KLHL29: variants seen among roughly 807,000 people sequenced by gnomAD.
KLHL29 encodes the protein kelch like family member 29.
Under a neutral mutation model 80.4 loss-of-function variants are expected in KLHL29, and 21 were observed. That is an observed-to-expected ratio of 0.26 (90% CI 0.19 to 0.38). The LOEUF (loss-of-function observed/expected upper bound fraction) is 0.38, where lower values mean the gene tolerates loss of function less well. Among genes scored for constraint, KLHL29 ranks in the 10% least tolerant of loss-of-function variants. The pLI is 1.00. For synonymous variants in KLHL29, 511 were observed against 526.8 expected, an observed-to-expected ratio of 0.97 and a Z score of 0.41; for missense variants, 867 against 1,223.9, an observed-to-expected ratio of 0.71 and a Z score of 4.35.
chr2:23,602,752 C>A (rs1446091052), intron 3 of KLHL29, among the ~76,000 whole-genome samples: 1 of 151,986 alleles, frequency 6.6e-6, no homozygotes, highest in Non-Finnish European at 1.5e-5. Flanking sequence ...CCACTCCCGA[C>A]CTCTACATGG....
intron 1 of KLHL29, among the ~76,000 whole-genome samples, chr2:23,462,365 G>A (rs527324213): frequency 5.3e-5 from 8 of 152,160 alleles, no homozygotes; most frequent in Non-Finnish European, 8.8e-5. Flanking sequence ...GCCTGCTGCC[G>A]GTGGGTTCTT....
In KLHL29 at chr2:23,696,584, T is replaced by C; in HGVS notation, c.2105+71T>C. ...AGAACTGAAATCACGTCACTCACTG[T>C]ACCTCCCAACACCCACTCAGTGGCG... On this transcript the variant is annotated intron_variant, in intron 11 of 13. Coordinates refer to ENST00000486442, the MANE Select transcript of KLHL29 (RefSeq NM_052920.2). This position sits in a 1 kb window ranked among gnomAD's most constrained non-coding sequence, Gnocchi z 5.5. 1 of 1,243,536 alleles carries C rather than the reference T, an allele frequency of 8.0e-7. No homozygotes were observed. The highest frequency in any genetic ancestry group is 1.1e-6 in the Non-Finnish European group (1 of 901,566). 77.0% of individuals were successfully genotyped at this position (1,243,536 alleles called of 1,614,324 possible).
chr2:23,624,926 T>C (rs180947702), intron 3 of KLHL29, among the ~76,000 whole-genome samples: 52 of 152,342 alleles, frequency 3.4e-4, no homozygotes, highest in Admixed American at 1.9e-3. Context: ...GCCTGCTTTA[T>C]AGATGAAGGA....
rs1230514997 is a variant in KLHL29 at position 23,669,825 on chromosome 2, G to A, written c.941-14574G>A. Among the ~76,000 whole-genome samples, 1 of 152,176 alleles carries A rather than the reference G, an allele frequency of 6.6e-6. No homozygotes were observed. Reference sequence around the variant, plus strand: ...CGCCAGCGCAGGACAGCAACTCTTGGGTAACTGTGTCCATTGGATTTGTAA... The same window carrying A: ...CGCCAGCGCAGGACAGCAACTCTTGAGTAACTGTGTCCATTGGATTTGTAA... On this transcript the variant is annotated intron_variant, in intron 5 of 13. Transcript: ENST00000486442. The surrounding 1 kb of genome is among the most constrained non-coding windows in gnomAD (Gnocchi z 4.3).
intron 5 of KLHL29, among the ~76,000 whole-genome samples, chr2:23,648,094 G>T (rs1406116881): frequency 1.3e-5 from 2 of 151,944 alleles, no homozygotes; most frequent in Non-Finnish European, 2.9e-5. Flanking sequence ...AGGAGAGCTC[G>T]TTCTGCAGCC....
In KLHL29 at chr2:23,577,970, A is replaced by G. The variant is rs1296778456; in HGVS notation, c.285+15489A>G. On this transcript the variant is annotated intron_variant, in intron 3 of 13. Coordinates refer to ENST00000486442, the MANE Select transcript of KLHL29 (RefSeq NM_052920.2). ...GCCATCGAGGGACTCCAGGAGCAGA[A>G]GAAAGCTTCCTGTGACCATGGCCGA... Among the ~76,000 whole-genome samples, 8 of 152,310 alleles carry G rather than the reference A, an allele frequency of 5.3e-5. No homozygotes were observed. In the East Asian group the frequency reaches 1.5e-3, roughly 29 times the overall value.
chr2:23,469,194 G>A (rs1415828549), intron 1 of KLHL29, among the ~76,000 whole-genome samples: 1 of 152,236 alleles, frequency 6.6e-6, no homozygotes, highest in Non-Finnish European at 1.5e-5. Flanking sequence ...GCCCCTGAGG[G>A]CACCAAGGCA....
chr2:23,560,945 A>G (rs181083140), intron 2 of KLHL29, among the ~76,000 whole-genome samples: 140 of 152,358 alleles, frequency 9.2e-4, no homozygotes, highest in African/African-American at 3.3e-3. Flanking sequence ...CTGGCCAACA[A>G]TTCCAGGGTG....
chr2:23,400,661 C>T (rs1666578247), intron 1 of KLHL29, among the ~76,000 whole-genome samples: 1 of 150,878 alleles, frequency 6.6e-6, no homozygotes, highest in Non-Finnish European at 1.5e-5. Context: ...ATAGTGAGAC[C>T]CCATCTCTAC....
Position 23,562,876 on chromosome 2 carries a change from A to C in KLHL29, c.285+395A>C, listed in dbSNP as rs1015688872. ...AACTTGGGTGTGCAAGAAGATACTG[A>C]CAAGCAGTAACAGTCATAAAGGGTG... is the stretch of plus-strand genomic sequence containing the variant. On this transcript the variant is annotated intron_variant, in intron 3 of 13. Coordinates refer to ENST00000486442, the MANE Select transcript of KLHL29 (RefSeq NM_052920.2). This position sits in a 1 kb window ranked among gnomAD's most constrained non-coding sequence, Gnocchi z 4.5. Among the ~76,000 whole-genome samples the C allele has an allele frequency of 2.6e-5, 4 of 152,156 alleles. No individual in the cohort carries two copies. Among genetic ancestry groups the C allele is most frequent in the African/African-American group, 9.7e-5 (4 of 41,428 alleles).
intron 3 of KLHL29, among the ~76,000 whole-genome samples, chr2:23,592,301 A>G (rs911243538): frequency 1.3e-5 from 2 of 150,818 alleles, no homozygotes; most frequent in African/African-American, 4.8e-5. Context: ...GCCGATTCCC[A>G]TCCTGAGCCC....
At chr2:23,561,491 G>C (rs1462857749) in intron 2 of KLHL29, among the ~76,000 whole-genome samples, 1 of 152,116 alleles carries the variant, frequency 6.6e-6, no homozygotes, top group Non-Finnish European at 1.5e-5. Flanking sequence ...GATTATGAAA[G>C]GGAACTCAAC....
intron 3 of KLHL29, among the ~76,000 whole-genome samples, chr2:23,600,978 G>A (rs930385613): frequency 6.6e-6 from 1 of 152,192 alleles, no homozygotes; most frequent in Non-Finnish European, 1.5e-5. Flanking sequence ...ATCATCTCAT[G>A]TAAACCTCAC....
intron 3 of KLHL29, among the ~76,000 whole-genome samples, chr2:23,619,576 A>G (rs553624608): frequency 2.0e-5 from 3 of 152,322 alleles, no homozygotes; most frequent in Admixed American, 2.0e-4. Flanking sequence ...ACTGCAGCCT[A>G]AAACTCTGAA....
At chr2:23,694,084 G>T (rs978391286) in intron 8 of KLHL29, among the ~76,000 whole-genome samples, 9 of 152,210 alleles carry the variant, frequency 5.9e-5, no homozygotes, top group African/African-American at 2.4e-5. Context: ...ACAGCCACAA[G>T]TCCCTATGAC....
intron 1 of KLHL29, among the ~76,000 whole-genome samples, chr2:23,447,051 A>G (rs959473261): frequency 6.6e-6 from 1 of 152,240 alleles, no homozygotes; most frequent in Admixed American, 6.5e-5. Context: ...GAATAAATGC[A>G]GAAGGATTTT....
chr2:23,391,112 A>C (rs1490371040), intron 1 of KLHL29, among the ~76,000 whole-genome samples: 3 of 152,272 alleles, frequency 2.0e-5, no homozygotes, highest in Non-Finnish European at 2.9e-5. Context: ...TATACATTCA[A>C]CTACCTTAGA....
At chr2:23,465,713 A>G (rs1044544502) in intron 1 of KLHL29, among the ~76,000 whole-genome samples, 1 of 152,140 alleles carries the variant, frequency 6.6e-6, no homozygotes, top group African/African-American at 2.4e-5. Context: ...GAGGAGCCCA[A>G]ATGAAGACAT....
intron 5 of KLHL29, among the ~76,000 whole-genome samples, chr2:23,677,759 C>G (rs56343114): frequency 0.13 from 19,233 of 152,254 alleles, 1,272 homozygotes; most frequent in Middle Eastern, 0.2. Context: ...GCATGCGTCG[C>G]GCTCCCTGCT....
Sources: gnomAD v4.1 joint callset for allele counts (sites outside exome capture counted in the v4.1 genomes callset) on GRCh38, gnomAD v4.1.1 for gene constraint, Gnocchi (gnomAD v3.1) non-coding constraint, MANE v1.5 for transcripts, NCBI Gene and HGNC (gene_info 2026-07-23, HGNC 2026-07-21) for gene names.